SLC39A11: variants seen among roughly 807,000 people sequenced by gnomAD.
The protein encoded by SLC39A11 is solute carrier family 39 member 11.
Under a neutral mutation model 36.1 loss-of-function variants are expected in SLC39A11, and 33 were observed. The observed-to-expected ratio is 0.91, with a 90% CI of 0.69 to 1.22. The LOEUF (loss-of-function observed/expected upper bound fraction) is 1.22. SLC39A11 is among the 50% of genes most tolerant of loss of function. The pLI, the probability that SLC39A11 is intolerant of heterozygous loss-of-function variation, is 0.00. For missense variants in SLC39A11, 432 were observed against 430.3 expected, an observed-to-expected ratio of 1.00 and a Z score of -0.03; for synonymous variants, 166 against 170.3, an observed-to-expected ratio of 0.97 and a Z score of 0.20.
chr17:72,804,194 C>T (rs1381702560), intron 6 of SLC39A11, among the ~76,000 whole-genome samples: 1 of 152,162 alleles, frequency 6.6e-6, no homozygotes, highest in Non-Finnish European at 1.5e-5. Context: ...GACGGGGTTT[C>T]ACCATGTTAG....
At chr17:72,958,851 A>T (rs1263148144) in intron 4 of SLC39A11, among the ~76,000 whole-genome samples, 1 of 150,914 alleles carries the variant, frequency 6.6e-6, no homozygotes, top group Non-Finnish European at 1.5e-5. Context: ...ACTCTGTCTT[A>T]AAAAAAAGAA....
intron 4 of SLC39A11, among the ~76,000 whole-genome samples, chr17:72,994,091 G>A (rs1033644895): frequency 2.6e-5 from 4 of 152,050 alleles, no homozygotes; most frequent in South Asian, 2.1e-4. Flanking sequence ...GAACTGCCAC[G>A]CCTGGCCTGG....
intron 5 of SLC39A11, among the ~76,000 whole-genome samples, chr17:72,938,638 C>T (rs1598490291): frequency 6.6e-6 from 1 of 152,178 alleles, no homozygotes; most frequent in East Asian, 1.9e-4. Context: ...AGCGCCCAGG[C>T]TGTGTGGCTT....
intron 5 of SLC39A11, among the ~76,000 whole-genome samples, chr17:72,916,879 A>G (rs538720306): frequency 6.6e-6 from 1 of 152,246 alleles, no homozygotes; most frequent in African/African-American, 2.4e-5. Flanking sequence ...CTCAAGCTCA[A>G]GCTAGGAATA....
intron 6 of SLC39A11, among the ~76,000 whole-genome samples, chr17:72,784,586 C>T (rs996125925): frequency 6.6e-6 from 1 of 151,994 alleles, no homozygotes; most frequent in Non-Finnish European, 1.5e-5. Context: ...TGGGGCCTGG[C>T]GGGAGGTGTC....
Position 72,938,653 on chromosome 17 carries a change from C to A in SLC39A11, c.430+9099G>T, listed in dbSNP as rs946103135. Among the ~76,000 whole-genome samples the A allele has an allele frequency of 2.8e-4, 42 of 152,164 alleles. 2 individuals are homozygous for A. On this transcript the variant is annotated intron_variant, in intron 5 of 9. Coordinates refer to ENST00000255559, the MANE Select transcript of SLC39A11 (RefSeq NM_139177.4). ...AGCGCCCAGGCTGTGTGGCTTCAGG[C>A]ACAGACTCTTAAATCTTCGACAAAT...
chr17:73,013,047 C>A (rs967199758), intron 4 of SLC39A11, among the ~76,000 whole-genome samples: 4 of 152,106 alleles, frequency 2.6e-5, no homozygotes, highest in African/African-American at 9.7e-5. Flanking sequence ...GATCCACCTG[C>A]CTCGGCCTCC....
intron 6 of SLC39A11, among the ~76,000 whole-genome samples, chr17:72,797,836 G>A (rs758697758): frequency 2.0e-5 from 3 of 152,138 alleles, no homozygotes; most frequent in African/African-American, 2.4e-5. Context: ...GGGATGCTTC[G>A]TGCTGGGGGG....
intron 6 of SLC39A11, among the ~76,000 whole-genome samples, chr17:72,786,419 A>G (rs1346916791): frequency 6.6e-6 from 1 of 152,212 alleles, no homozygotes; most frequent in African/African-American, 2.4e-5. Flanking sequence ...CAAATGTGCT[A>G]TATACCCTCC....
At chr17:72,943,217 A>C (rs1480899282) in intron 5 of SLC39A11, among the ~76,000 whole-genome samples, 2 of 152,202 alleles carry the variant, frequency 1.3e-5, no homozygotes, top group Non-Finnish European at 2.9e-5. Flanking sequence ...GCACTTGAGA[A>C]GCTTGAGCTA....
chr17:72,839,836 T>C (rs1164988624), intron 6 of SLC39A11: 1 of 152,186 alleles, frequency 6.6e-6, no homozygotes, highest in Non-Finnish European at 1.5e-5. Flanking sequence ...AGTGGTTAGG[T>C]GATGGTAACT....
At chr17:72,758,034 T>C (rs1391172102) in intron 6 of SLC39A11, among the ~76,000 whole-genome samples, 1 of 152,090 alleles carries the variant, frequency 6.6e-6, no homozygotes, top group Non-Finnish European at 1.5e-5. Flanking sequence ...AACAGTTTTG[T>C]GCCACCATGC....
At chr17:72,747,205 C>G (rs1010914010) in intron 6 of SLC39A11, among the ~76,000 whole-genome samples, 1 of 152,146 alleles carries the variant, frequency 6.6e-6, no homozygotes, top group African/African-American at 2.4e-5. Context: ...CCATTTGAGA[C>G]AGAATCTTGC....
chr17:72,881,592 T>C (rs972234954), intron 5 of SLC39A11, among the ~76,000 whole-genome samples: 1 of 152,234 alleles, frequency 6.6e-6, no homozygotes, highest in African/African-American at 2.4e-5. Context: ...AACTTATTCT[T>C]CCACAAAGCC....
intron 5 of SLC39A11, among the ~76,000 whole-genome samples, chr17:72,886,479 A>G (rs1175908200): frequency 2.0e-5 from 3 of 152,146 alleles, no homozygotes; most frequent in South Asian, 4.2e-4. Context: ...ACCTATCCGC[A>G]AATCCCATCA....
chr17:73,004,089 A>G (rs1019865300), intron 4 of SLC39A11, among the ~76,000 whole-genome samples: 41 of 151,262 alleles, frequency 2.7e-4, no homozygotes, highest in African/African-American at 7.5e-4. Context: ...GTGTAAAGAA[A>G]GAAAGGAAGA....
chr17:72,801,972 C>T (rs148250842), intron 6 of SLC39A11, among the ~76,000 whole-genome samples: 5 of 152,160 alleles, frequency 3.3e-5, no homozygotes, highest in Middle Eastern at 3.4e-3. Flanking sequence ...AAAAATATAC[C>T]GAGTCATCTG....
At chr17:72,734,599 G>A (rs1357039967) in intron 7 of SLC39A11, among the ~76,000 whole-genome samples, 1 of 152,222 alleles carries the variant, frequency 6.6e-6, no homozygotes, top group Non-Finnish European at 1.5e-5. Flanking sequence ...TCCGGGGAAG[G>A]GAGGAGCTGA....
intron 5 of SLC39A11, among the ~76,000 whole-genome samples, chr17:72,864,480 G>A (rs1237424250): frequency 6.6e-6 from 1 of 152,102 alleles, no homozygotes; most frequent in Non-Finnish European, 1.5e-5. Flanking sequence ...CACCAAATAA[G>A]CCATGGGCTG....
Sources: gnomAD v4.1 joint callset for allele counts (sites outside exome capture counted in the v4.1 genomes callset) on GRCh38, gnomAD v4.1.1 for gene constraint, MANE v1.5 for transcripts, NCBI Gene and HGNC (gene_info 2026-07-23, HGNC 2026-07-21) for gene names.